The following INA variants were observed in gnomAD, a reference collection of about 807,000 sequenced individuals.
INA encodes alpha-internexin.
A neutral mutation model predicts 40.1 loss-of-function variants in INA; 35 were observed. That is an observed-to-expected ratio of 0.87 (90% confidence interval 0.67 to 1.16). The LOEUF is 1.16. INA is among the 50% of genes most tolerant of loss of function. INA has a pLI of 0.00. For missense variants in INA, 594 were observed against 686.7 expected (o/e 0.87, Z 1.51); for synonymous variants, 290 against 316.9 (o/e 0.92, Z 0.90).
At chr10:103,287,447 G>A (rs953587017) in intron 2 of INA, among the ~76,000 whole-genome samples, 1 of 152,158 alleles carries the variant, frequency 6.6e-6, no homozygotes, top group Non-Finnish European at 1.5e-5. Context: ...TAAAAATAGG[G>A]TTTGGGGCCA....
intron 1 of INA, among the ~76,000 whole-genome samples, chr10:103,284,848 A>G (rs1358639184): frequency 6.6e-6 from 1 of 152,104 alleles, no homozygotes; most frequent in Non-Finnish European, 1.5e-5. Context: ...TCTAATTTGC[A>G]CAAGGTTCCT....
At chr10:103,281,629 C>T (rs985774034) in intron 1 of INA, among the ~76,000 whole-genome samples, 4 of 152,190 alleles carry the variant, frequency 2.6e-5, no homozygotes, top group Non-Finnish European at 5.9e-5. Context: ...TAAAAATCCT[C>T]CGTCCCCACT....
rs1187676998 is a variant in INA, at chr10:103,278,855, C to T, written c.1065+579C>T. On this transcript the variant is annotated intron_variant, in intron 1 of 2. Coordinates refer to ENST00000369849, the MANE Select transcript of INA (RefSeq NM_032727.4). The surrounding 1 kb of genome is among the most constrained non-coding windows in gnomAD (Gnocchi z 4.9). ...TTGAGCTAGTAGTAACCACCCTGCTCTACCCACCTCCCCAACACACACACA... is the reference window on the plus strand; with the variant it reads ...TTGAGCTAGTAGTAACCACCCTGCTTTACCCACCTCCCCAACACACACACA... Among the ~76,000 whole-genome samples, 1 of 151,634 alleles carries T rather than the reference C, an allele frequency of 6.6e-6. No individual in the cohort carries two copies. Among genetic ancestry groups the T allele is most frequent in the Non-Finnish European group, 1.5e-5 (1 of 67,902 alleles).
At position 103,277,692 on chromosome 10, in the gene INA, C is replaced by T. The variant is rs1441049320; in HGVS notation, c.481C>T (p.Arg161Cys). The T allele has an allele frequency of 8.8e-6, 12 of 1,370,018 alleles. No homozygotes were observed. The highest frequency in any genetic ancestry group is 1.0e-5 in the Non-Finnish European group (11 of 1,072,126). The allele number at this position is 1,370,018 out of a possible 1,614,324, so 84.9% of individuals were successfully genotyped here. The part of the protein sequence containing the change: ...RAQLEEASSA[R>C]SQALLERDGL... ...GCAGCTGGAGGAGGCCAGCTCGGCT[C>T]GCTCGCAGGCCCTGCTGGAGCGCGA... Residue 161 changes from arginine (R) to cysteine (C), a missense_variant, in exon 1 of 3, where the codon CGC becomes TGC. Physicochemically the swap from Arg to Cys is radical, Grantham distance 180 (BLOSUM62 -3). Around this residue, in one of 2 missense-constraint regions of INA, gnomAD observed 379 missense variants for 496.1 expected, o/e 0.76. Coordinates refer to ENST00000369849, the MANE Select transcript of INA (RefSeq NM_032727.4). The surrounding 1 kb of genome is among the most constrained non-coding windows in gnomAD (Gnocchi z 5.6).
intron 2 of INA, among the ~76,000 whole-genome samples, chr10:103,287,504 G>A (rs759428822): frequency 6.6e-6 from 1 of 152,072 alleles, no homozygotes; most frequent in Non-Finnish European, 1.5e-5. Context: ...GGAGGCCAAG[G>A]TGGGTGGATC....
chr10:103,287,202 A>G, intron 2 of INA, 43 bp downstream of exon 2: 2 of 1,594,232 alleles, frequency 1.3e-6, no homozygotes, highest in Non-Finnish European at 1.7e-6. Context: ...CCAGTCACCT[A>G]GGGGCAATGC....
chr10:103,281,835 GCGATGCTCAGACGAGCTAAGA>G (rs1442623141), intron 1 of INA, among the ~76,000 whole-genome samples: 1 of 152,230 alleles, frequency 6.6e-6, no homozygotes, highest in Non-Finnish European at 1.5e-5. Flanking sequence ...GCCACGGGCT[GCGATGCTCAGACGAGCTAAGA>G]CGATGCTCAG....
intron 2 of INA, 151 bp downstream of exon 2, chr10:103,287,310 C>T: frequency 1.4e-6 from 1 of 739,356 alleles, no homozygotes; most frequent in Non-Finnish European, 2.1e-6. Context: ...CTGCTCTGTC[C>T]CTCTACTTAG....
intron 2 of INA, 97 bp downstream of exon 2, chr10:103,287,256 A>G: frequency 7.3e-7 from 1 of 1,374,074 alleles, no homozygotes; most frequent in South Asian, 1.4e-5. Context: ...CTGACTGGTG[A>G]GGGAGGGAAG....
rs2093088197 is a variant in INA, at chr10:103,287,151, AG to A, written c.1183del (p.Ala395LeufsTer18). 6.2e-7 allele frequency: 1 copy of A among 1,613,386 alleles called. No homozygotes were observed. The highest frequency in any genetic ancestry group is 1.7e-5 in the Admixed American group (1 of 59,936). ...VKMALDIEIAAYRKLLEGEET... is the reference protein window; with the variant it reads ...VKMALDIEIAXYRKLLEGEET... ...AAATGGCTCTTGACATTGAGATAGC[AG>A]CTTACAGGTACTGCAAAGGACCTGC... On this transcript the variant is annotated frameshift_variant, in exon 2 of 3. Coordinates refer to ENST00000369849, the MANE Select transcript of INA (RefSeq NM_032727.4). LOFTEE classifies it high-confidence loss of function.
rs2093066551 is a variant in INA, at chr10:103,278,715, T to C, written c.1065+439T>C. 6.6e-6 allele frequency among the ~76,000 whole-genome samples: 1 copy of C among 152,152 alleles called. No homozygotes were observed. Among genetic ancestry groups the C allele is most frequent in the Non-Finnish European group, 1.5e-5 (1 of 68,024 alleles). ...CCTAGAAGTTATTTATGGAGTATGG[T>C]CTGCTTCAGGGCTGAAGGAAGAATG... On this transcript the variant is annotated intron_variant, in intron 1 of 2. Coordinates refer to ENST00000369849, the MANE Select transcript of INA (RefSeq NM_032727.4). The surrounding 1 kb of genome is among the most constrained non-coding windows in gnomAD (Gnocchi z 4.9).
chr10:103,280,413 G>T, intron 1 of INA: 1 of 985,438 alleles, frequency 1.0e-6, no homozygotes, highest in Non-Finnish European at 1.2e-6. Flanking sequence ...TCTTAGCAGT[G>T]CTGACCAAGG....
At position 103,283,342 on chromosome 10, in the gene INA, T is replaced by C. The variant is rs187128310; in HGVS notation, c.1066-3693T>C. ...TCAGTAGCTAGAGGGTCTATGTCAG[T>C]GATTCTATGTCAGTAGCAGAATTGA... On this transcript the variant is annotated intron_variant, in intron 1 of 2. Coordinates refer to ENST00000369849, the MANE Select transcript of INA (RefSeq NM_032727.4). Among the ~76,000 whole-genome samples, 3 of 152,356 alleles carry C rather than the reference T, an allele frequency of 2.0e-5. No individual in the cohort carries two copies. In the South Asian group the frequency reaches 6.2e-4, roughly 32 times the overall value.
intron 1 of INA, among the ~76,000 whole-genome samples, chr10:103,286,408 G>A (rs147419656): frequency 1.0e-3 from 151 of 149,546 alleles, no homozygotes; most frequent in African/African-American, 2.8e-3. Context: ...AATATAAAGC[G>A]ATTTCTCTTC....
chr10:103,286,644 A>G (rs894386271), intron 1 of INA, among the ~76,000 whole-genome samples: 1 of 152,086 alleles, frequency 6.6e-6, no homozygotes, highest in South Asian at 2.1e-4. Flanking sequence ...CACATGCTAC[A>G]ACAGAGTTAT....
At chr10:103,286,704 A>G (rs559142450) in intron 1 of INA, among the ~76,000 whole-genome samples, 1 of 152,080 alleles carries the variant, frequency 6.6e-6, no homozygotes, top group African/African-American at 2.4e-5. Context: ...TAAAAAAAAA[A>G]AAAATCATCT....
Position 103,288,692 on chromosome 10 carries a change from A to G in INA, c.*23A>G, listed in dbSNP as rs2133539454. On this transcript the variant is annotated 3_prime_UTR_variant, in exon 3 of 3. Coordinates refer to ENST00000369849, the MANE Select transcript of INA (RefSeq NM_032727.4). ...TAATTCCATTGCTTTGAAAAAGTTAATGCTTAAGAGGGAATGATATGCATT... is the reference window on the plus strand; with the variant it reads ...TAATTCCATTGCTTTGAAAAAGTTAGTGCTTAAGAGGGAATGATATGCATT... 2 of 1,466,420 alleles carry G rather than the reference A, an allele frequency of 1.4e-6. No individual in the cohort carries two copies. Among genetic ancestry groups the G allele is most frequent in the Non-Finnish European group, 9.3e-7 (1 of 1,080,708 alleles). The allele number at this position is 1,466,420 out of a possible 1,614,324, so 90.8% of individuals were successfully genotyped here.
chr10:103,279,889 A>G, intron 1 of INA: 1 of 1,241,178 alleles, frequency 8.1e-7, no homozygotes, highest in African/African-American at 1.5e-5. Context: ...TAACCCCTGG[A>G]TGGCCTGAAT....
chr10:103,278,496 G>A lies in INA; in HGVS notation c.1065+220G>A, dbSNP rs2093066090. Among the ~76,000 whole-genome samples, 1 of 152,160 alleles carries A rather than the reference G, an allele frequency of 6.6e-6. No individual in the cohort carries two copies. The highest frequency in any genetic ancestry group is 1.5e-5 in the Non-Finnish European group (1 of 68,026). On this transcript the variant is annotated intron_variant, in intron 1 of 2. Transcript: ENST00000369849. The surrounding 1 kb of genome is among the most constrained non-coding windows in gnomAD (Gnocchi z 4.9). ...TCCCTGCCCCAGCCCTTCAAACAAA[G>A]AAGCCCTTAAATTTATTTGAGGTTC... is the stretch of plus-strand genomic sequence containing the variant.
Sources: allele counts gnomAD v4.1 joint callset (sites outside exome capture counted in the v4.1 genomes callset), GRCh38; gene constraint gnomAD v4.1.1; regional missense constraint gnomAD v4.1.1; non-coding constraint Gnocchi (gnomAD v3.1); transcripts MANE v1.5; gene names NCBI Gene and HGNC (gene_info 2026-07-23, HGNC 2026-07-21).